Variants in EFR3A observed in about 807,000 individuals in gnomAD.
The protein encoded by EFR3A is protein EFR3 homolog A.
Under a neutral mutation model 104.4 loss-of-function variants are expected in EFR3A, and 76 were observed. That is an observed-to-expected ratio of 0.73 (90% confidence interval 0.60 to 0.88). EFR3A has a LOEUF of 0.88. Ranked by LOEUF, EFR3A falls within the 40% of genes least tolerant of loss-of-function variation. The probability of loss-of-function intolerance (pLI) is 0.00; values close to 1 mark genes in which losing one functional copy is unlikely to be tolerated. For missense variants in EFR3A, 985 were observed against 1,012.5 expected (o/e 0.97, Z 0.37); for synonymous variants, 330 against 330.0 (o/e 1.00, Z 0.00).
At chr8:132,003,706 A>G (rs16904572) in intron 22 of EFR3A, among the ~76,000 whole-genome samples, 56,868 of 152,080 alleles carry the variant, frequency 0.37, 10,931 homozygotes, top group East Asian at 0.61. Flanking sequence ...TTATGCAGAT[A>G]GCTCATTTGA....
chr8:131,983,828 A>G (rs919596880), intron 14 of EFR3A, among the ~76,000 whole-genome samples: 1 of 152,184 alleles, frequency 6.6e-6, no homozygotes, highest in African/African-American at 2.4e-5. Flanking sequence ...TTTTTTCTCA[A>G]GTCAATCCAT....
In EFR3A at chr8:132,008,846, CAAAAAA is replaced by C. The variant is rs55964352; in HGVS notation, c.2361-1921_2361-1916del. Among the ~76,000 whole-genome samples, 87 of 32,160 alleles carry C rather than the reference CAAAAAA, an allele frequency of 2.7e-3. 1 individual carries two copies. The East Asian group carries it at 0.033, about 12-fold the overall frequency. The allele number at this position is 32,160 out of a possible 152,430, so 21.1% of individuals were successfully genotyped here. The stretch of plus-strand genomic sequence containing the variant: ...GGGTGACAAGAGTAAAACTCCATCT[CAAAAAA>C]AAAAAAAAAAAAAAAAAAAAAAGAA... On this transcript the variant is annotated intron_variant, in intron 22 of 22. Coordinates refer to ENST00000254624, the MANE Select transcript of EFR3A (RefSeq NM_015137.6).
At chr8:132,002,830 A>G (rs1563709011) in intron 21 of EFR3A, 124 bp downstream of exon 21, 1 of 721,844 alleles carries the variant, frequency 1.4e-6, no homozygotes, top group South Asian at 2.0e-5. Flanking sequence ...AATATATCAG[A>G]TAAGGACTGA....
In EFR3A at chr8:131,990,791, T is replaced by C. The variant is rs1352869482; in HGVS notation, c.2065+3089T>C. On this transcript the variant is annotated intron_variant, in intron 18 of 22. Transcript: ENST00000254624. ...CAGAGTAGGTAGATTCTAGAAAAAT[T>C]TATGAGAGAGAATTTATAGGCATTT... Among the ~76,000 whole-genome samples, 3 of 152,072 alleles carry C rather than the reference T, an allele frequency of 2.0e-5. No homozygotes were observed. The South Asian group carries it at 6.2e-4, about 32-fold the overall frequency.
intron 22 of EFR3A, among the ~76,000 whole-genome samples, chr8:132,006,538 A>G (rs1822063791): frequency 6.6e-6 from 1 of 152,074 alleles, no homozygotes; most frequent in South Asian, 2.1e-4. Flanking sequence ...ATAGATTTGC[A>G]GTTTAAAAGC....
intron 1 of EFR3A, among the ~76,000 whole-genome samples, chr8:131,917,470 G>A (rs775474120): frequency 6.6e-6 from 1 of 152,206 alleles, no homozygotes; most frequent in African/African-American, 2.4e-5. Context: ...AAAGTATTTT[G>A]TACAGTGGTT....
chr8:131,953,432 T>C lies in EFR3A; in HGVS notation c.489-386T>C, dbSNP rs147650872. Among the ~76,000 whole-genome samples the C allele has an allele frequency of 3.9e-4, 59 of 152,196 alleles. No individual in the cohort carries two copies. In the East Asian group the frequency reaches 0.01, roughly 26 times the overall value. On this transcript the variant is annotated intron_variant, in intron 5 of 22. Transcript: ENST00000254624. The stretch of plus-strand genomic sequence containing the variant: ...ACAGTGAGAGAAGTCTGAAGAAGCA[T>C]GAAGGGTGTTCAGAACAGTGAAATC...
rs754393609 is a variant in EFR3A, at chr8:131,979,001, C to A, written c.1481C>A (p.Ala494Glu). 2 of 1,609,248 alleles carry A rather than the reference C, an allele frequency of 1.2e-6. No homozygotes were observed. The highest frequency in any genetic ancestry group is 1.1e-5 in the South Asian group (1 of 89,744). ...CTCATGGATCGTCATGACAATAGGG[C>A]AAAGCTTCGAGGGATCAGGTAATGT... ...HNLMDRHDNR[A>E]KLRGIRIIPD... is the part of the protein sequence containing the mutation. The change falls in exon 13 of 23, where the codon GCA becomes GAA. Residue 494 changes from alanine (A) to glutamate (E), a missense_variant. By Grantham distance (107) the Ala-to-Glu change is moderately radical (BLOSUM62 -1). Coordinates refer to ENST00000254624, the MANE Select transcript of EFR3A (RefSeq NM_015137.6).
chr8:131,972,600 A>G (rs1256230703), intron 10 of EFR3A, among the ~76,000 whole-genome samples: 1 of 152,008 alleles, frequency 6.6e-6, no homozygotes, highest in African/African-American at 2.4e-5. Context: ...CTATTTTTCT[A>G]ATTTAACTTT....
intron 10 of EFR3A, among the ~76,000 whole-genome samples, chr8:131,974,879 C>G (rs2130719276): frequency 6.6e-6 from 1 of 152,022 alleles, no homozygotes; most frequent in South Asian, 2.1e-4. Flanking sequence ...AATAGAAGCT[C>G]AACAGTTACA....
At chr8:131,963,135 A>G (rs997537381) in intron 8 of EFR3A, among the ~76,000 whole-genome samples, 4 of 152,244 alleles carry the variant, frequency 2.6e-5, no homozygotes, top group Non-Finnish European at 5.9e-5. Context: ...CTAAAAATTG[A>G]CACCCTAACA....
intron 9 of EFR3A, 48 bp downstream of exon 9, chr8:131,968,478 G>A (rs1322853187): frequency 5.0e-6 from 8 of 1,591,288 alleles, no homozygotes; most frequent in Non-Finnish European, 6.9e-6. Flanking sequence ...CTGGTTCAAA[G>A]TGTCCTTTCA....
At chr8:131,986,142 G>A (rs757687053) in intron 16 of EFR3A, 52 bp from the exon 17 acceptor site, 2 of 901,776 alleles carry the variant, frequency 2.2e-6, no homozygotes, top group Non-Finnish European at 1.8e-6. Flanking sequence ...TTATAGCAAG[G>A]TACTGAGGGG....
chr8:132,007,192 C>CT (rs1822095414), intron 22 of EFR3A, among the ~76,000 whole-genome samples: 2 of 151,668 alleles, frequency 1.3e-5, no homozygotes, highest in Admixed American at 6.6e-5. Context: ...AGAAATAAAA[C>CT]TATCTTTTCA....
chr8:132,005,382 C>T (rs1043722025), intron 22 of EFR3A, among the ~76,000 whole-genome samples: 1 of 151,866 alleles, frequency 6.6e-6, no homozygotes, highest in Non-Finnish European at 1.5e-5. Context: ...ATACTTCGCT[C>T]CCACTGTTCT....
intron 16 of EFR3A, 47 bp from the exon 17 acceptor site, chr8:131,986,147 G>A (rs1406577968): frequency 7.0e-6 from 7 of 1,002,980 alleles, no homozygotes; most frequent in Non-Finnish European, 9.2e-6. Flanking sequence ...GCAAGGTACT[G>A]AGGGGTAGGG....
intron 11 of EFR3A, among the ~76,000 whole-genome samples, chr8:131,976,471 A>G (rs1489165642): frequency 6.6e-6 from 1 of 152,114 alleles, no homozygotes; most frequent in Non-Finnish European, 1.5e-5. Flanking sequence ...TATCAGAAAT[A>G]TTGGCTTATT....
At chr8:131,960,182 T>A (rs10104710) in intron 8 of EFR3A, among the ~76,000 whole-genome samples, 51,144 of 152,118 alleles carry the variant, frequency 0.34, 8,997 homozygotes, top group East Asian at 0.61. Context: ...GGACTTTCCT[T>A]TCTTGTCATT....
At chr8:131,949,551 C>T (rs548727219) in intron 4 of EFR3A, among the ~76,000 whole-genome samples, 1 of 152,244 alleles carries the variant, frequency 6.6e-6, no homozygotes, top group East Asian at 1.9e-4. Context: ...TGCCTATAAT[C>T]TGGGTGCTTT....
Sources: allele counts gnomAD v4.1 joint callset (sites outside exome capture counted in the v4.1 genomes callset), GRCh38; gene constraint gnomAD v4.1.1; transcripts MANE v1.5; gene names NCBI Gene and HGNC (gene_info 2026-07-23, HGNC 2026-07-21).